The following RIMS1 variants were observed in gnomAD, a reference collection of about 807,000 sequenced individuals.
RIMS1 encodes regulating synaptic membrane exocytosis protein 1.
Under a neutral mutation model 214.1 loss-of-function variants are expected in RIMS1, and 83 were observed. The ratio of observed to expected loss-of-function variants is 0.39; its 90% CI spans 0.32 to 0.47. The LOEUF is 0.47. Among genes scored for constraint, RIMS1 ranks in the 20% least tolerant of loss-of-function variants. The probability of loss-of-function intolerance (pLI) is 0.99; values close to 1 mark genes in which losing one functional copy is unlikely to be tolerated. For missense variants in RIMS1, 2,050 were observed against 2,161.8 expected (o/e 0.95, Z 1.03); for synonymous variants, 793 against 786.8 (o/e 1.01, Z -0.13).
At chr6:71,928,602 ATATC>A (rs1782205206) in intron 1 of RIMS1, among the ~76,000 whole-genome samples, 2 of 152,142 alleles carry the variant, frequency 1.3e-5, no homozygotes, top group African/African-American at 4.8e-5. Flanking sequence ...AATAACATTT[ATATC>A]TATATATTCT....
chr6:72,028,661 C>A lies in RIMS1; in HGVS notation c.245+59598C>A, dbSNP rs147671229. Among the ~76,000 whole-genome samples the A allele has an allele frequency of 3.1e-4, 47 of 152,278 alleles. 1 individual carries two copies. In the East Asian group the frequency reaches 5.4e-3, roughly 17 times the overall value. ...AAAAGACAAACGAAAGCATGGATGT[C>A]TTTCAGTTATTTTAGTTGAATTTCC... On this transcript the variant is annotated intron_variant, in intron 2 of 33. Coordinates refer to ENST00000521978, the MANE Select transcript of RIMS1 (RefSeq NM_014989.7).
intron 6 of RIMS1, among the ~76,000 whole-genome samples, chr6:72,233,432 C>A (rs888137450): frequency 5.3e-5 from 8 of 150,890 alleles, no homozygotes; most frequent in African/African-American, 1.9e-4. Flanking sequence ...AAAATTTTAG[C>A]CAGCATCACT....
chr6:72,097,459 A>G (rs879485136), intron 3 of RIMS1, among the ~76,000 whole-genome samples: 2 of 152,354 alleles, frequency 1.3e-5, no homozygotes, highest in Middle Eastern at 3.4e-3. Flanking sequence ...TAGATTTAAT[A>G]TTATCATAAA....
chr6:72,048,207 C>T (rs1271688647), intron 2 of RIMS1, among the ~76,000 whole-genome samples: 4 of 152,176 alleles, frequency 2.6e-5, no homozygotes, highest in Non-Finnish European at 5.9e-5. Context: ...GCTATTTTGA[C>T]TCATAGTCCA....
In RIMS1 at chr6:72,247,921, T is replaced by G. The variant is rs187775638; in HGVS notation, c.2129-94T>G. The G allele has an allele frequency of 9.2e-4, 737 of 798,004 alleles. 5 individuals carry two copies. The African/African-American group carries it at 0.011, about 12-fold the overall frequency. 49.4% of individuals were successfully genotyped at this position (798,004 alleles called of 1,614,324 possible). ...TAGGTTCTGTTATCAGTGATAGTAA[T>G]TATGGTTTTATACAAATAAAGGATG... On this transcript the variant is annotated intron_variant, in intron 11 of 33. Transcript: ENST00000521978.
chr6:71,893,109 GA>G (rs1234770677), intron 1 of RIMS1, among the ~76,000 whole-genome samples: 1 of 152,134 alleles, frequency 6.6e-6, no homozygotes, highest in African/African-American at 2.4e-5. Flanking sequence ...TAAAACTGTA[GA>G]ACACCAAGAT....
At chr6:72,352,983 CTTTTTTTTTTT>C in intron 29 of RIMS1, among the ~76,000 whole-genome samples, 1 of 88,272 alleles carries the variant, frequency 1.1e-5, no homozygotes, top group East Asian at 4.4e-4. Flanking sequence ...ATTCTTTTTT[CTTTTTTTTTTT>C]TTTTTTTTTT....
At chr6:72,090,032 AG>A (rs1334382874) in intron 2 of RIMS1, among the ~76,000 whole-genome samples, 2 of 72,714 alleles carry the variant, frequency 2.8e-5, no homozygotes, top group African/African-American at 5.9e-5. Flanking sequence ...GGGTGGGGGG[AG>A]GGGGGAGGGA....
intron 4 of RIMS1, among the ~76,000 whole-genome samples, chr6:72,119,281 A>T (rs967510366): frequency 6.6e-6 from 1 of 151,932 alleles, no homozygotes; most frequent in South Asian, 2.1e-4. Flanking sequence ...CTGTACAAGG[A>T]AAGTGCAAAA....
chr6:72,271,286 A>AAAAAATATAT (rs1417580438), intron 22 of RIMS1, among the ~76,000 whole-genome samples: 11 of 44,400 alleles, frequency 2.5e-4, no homozygotes, highest in South Asian at 8.9e-4. Flanking sequence ...AAAAAAAAAA[A>AAAAAATATAT]ATATATATAT....
In RIMS1 at chr6:71,893,327, T is replaced by C. The variant is rs368318659; in HGVS notation, c.164+6140T>C. Among the ~76,000 whole-genome samples the C allele has an allele frequency of 4.7e-3, 708 of 151,758 alleles. 1 individual carries two copies. Among genetic ancestry groups the C allele is most frequent in the Non-Finnish European group, 7.0e-3 (478 of 67,952 alleles). ...ACCTTCTTTCTTTTCTTTTTTTTTT[T>C]CCCCTCTCATTAAATAGCTCGTACA... On this transcript the variant is annotated intron_variant, in intron 1 of 33. Transcript: ENST00000521978.
At chr6:72,005,980 A>AT (rs1807412042) in intron 2 of RIMS1, among the ~76,000 whole-genome samples, 1 of 152,136 alleles carries the variant, frequency 6.6e-6, no homozygotes, top group Non-Finnish European at 1.5e-5. Flanking sequence ...ACAGAAATTT[A>AT]TTTTTCACAG....
chr6:72,274,385 T>C lies in RIMS1; in HGVS notation c.3435T>C (p.Pro1145=), dbSNP rs1400315877. ...CCCCCTCCCTAGATAGGAGACGACC[T>C]CCTAGTCCCAGGATTCAAATCCAGC... ...RWSPSLDRRR[P]PSPRIQIQHA... The change falls in exon 23 of 34, where the codon CCT becomes CCC. Residue 1145 remains proline, a synonymous_variant. Transcript: ENST00000521978. 1 of 1,613,268 alleles carries C rather than the reference T, an allele frequency of 6.2e-7. No individual in the cohort carries two copies. Among genetic ancestry groups the C allele is most frequent in the Admixed American group, 1.7e-5 (1 of 59,992 alleles).
intron 2 of RIMS1, among the ~76,000 whole-genome samples, chr6:72,035,946 A>G (rs1819507214): frequency 6.6e-6 from 1 of 152,182 alleles, no homozygotes; most frequent in Non-Finnish European, 1.5e-5. Context: ...ATAGTAAAGT[A>G]GTACTTTACC....
chr6:72,375,152 G>A (rs1481646298), intron 29 of RIMS1, among the ~76,000 whole-genome samples: 1 of 152,114 alleles, frequency 6.6e-6, no homozygotes, highest in African/African-American at 2.4e-5. Context: ...CCTGAGGTTG[G>A]GGACCCCTGC....
intron 4 of RIMS1, among the ~76,000 whole-genome samples, chr6:72,152,942 GTA>G (rs1230337361): frequency 7.1e-6 from 1 of 140,074 alleles, no homozygotes; most frequent in Non-Finnish European, 1.5e-5. Flanking sequence ...TGGAATATAT[GTA>G]TATATATGTA....
At chr6:72,378,071 C>G (rs907323247) in intron 29 of RIMS1, among the ~76,000 whole-genome samples, 1 of 152,232 alleles carries the variant, frequency 6.6e-6, no homozygotes, top group Non-Finnish European at 1.5e-5. Context: ...AGTCCCCCAA[C>G]AGGAAACTGC....
At chr6:72,059,785 A>G (rs1827357827) in intron 2 of RIMS1, among the ~76,000 whole-genome samples, 1 of 152,222 alleles carries the variant, frequency 6.6e-6, no homozygotes, top group African/African-American at 2.4e-5. Flanking sequence ...AATCAATTAA[A>G]TGTGAATTAT....
At chr6:72,146,476 G>A (rs1332311941) in intron 4 of RIMS1, among the ~76,000 whole-genome samples, 1 of 152,164 alleles carries the variant, frequency 6.6e-6, no homozygotes, top group African/African-American at 2.4e-5. Flanking sequence ...TGACCATGAG[G>A]TGAAATTCTT....
Sources: allele counts gnomAD v4.1 joint callset (sites outside exome capture counted in the v4.1 genomes callset), GRCh38; gene constraint gnomAD v4.1.1; transcripts MANE v1.5; gene names NCBI Gene and HGNC (gene_info 2026-07-23, HGNC 2026-07-21).